ADPRHL1: variants seen among roughly 807,000 people sequenced by gnomAD.
ADPRHL1 encodes inactive ADP-ribosyltransferase ARH2.
In ADPRHL1, 43 loss-of-function variants were observed where a neutral mutation model predicts 44.1. That is an observed-to-expected ratio of 0.98 (90% CI 0.76 to 1.26). ADPRHL1 has a LOEUF of 1.26. ADPRHL1 is among the 50% of genes most tolerant of loss of function. ADPRHL1 has a pLI of 0.00. For synonymous variants in ADPRHL1, 878 were observed against 1,017.4 expected, an observed-to-expected ratio of 0.86 and a Z score of 2.61; for missense variants, 2,022 against 2,496.9, an observed-to-expected ratio of 0.81 and a Z score of 4.05.
chr13:113,417,068 C>T (rs909312772), intron 7 of ADPRHL1, among the ~76,000 whole-genome samples: 3 of 152,224 alleles, frequency 2.0e-5, no homozygotes, highest in Non-Finnish European at 4.4e-5. Context: ...AGCAAAGCTG[C>T]GTCATGACAG....
At chr13:113,427,921 G>A (rs915168627) in intron 4 of ADPRHL1, among the ~76,000 whole-genome samples, 4 of 152,338 alleles carry the variant, frequency 2.6e-5, no homozygotes, top group Admixed American at 2.6e-4. Context: ...TTCAGAACAC[G>A]TGCCTGTGCC....
rs185355808 is a variant in ADPRHL1, at chr13:113,451,060, C to T, written c.214+2164G>A. Among the ~76,000 whole-genome samples the T allele has an allele frequency of 3.6e-4, 54 of 151,924 alleles. 1 individual carries two copies. In the East Asian group the frequency reaches 6.9e-3, roughly 19 times the overall value. On this transcript the variant is annotated intron_variant, in intron 1 of 7. Coordinates refer to ENST00000612156, the MANE Select transcript of ADPRHL1 (RefSeq NM_001394807.1). ...TAACGGGCGTCTTCCCAGACGCTGG[C>T]GTCACAGCTAGACCAAGGAGCCATC...
rs532034040 is a variant in ADPRHL1 at position 113,441,799 on chromosome 13, G to A, written c.379+2626C>T. 4.5e-4 allele frequency among the ~76,000 whole-genome samples: 69 copies of A among 151,784 alleles called. No homozygotes were observed. Among genetic ancestry groups the A allele is most frequent in the African/African-American group, 1.5e-3 (60 of 41,370 alleles). On this transcript the variant is annotated intron_variant, in intron 2 of 7. Coordinates refer to ENST00000612156, the MANE Select transcript of ADPRHL1 (RefSeq NM_001394807.1). The surrounding 1 kb of genome is among the most constrained non-coding windows in gnomAD (Gnocchi z 6.0). ...CCGTGTGGGTCTGTGTCTCTATCAC[G>A]CTTTACTCCACCACACGGGTCCGTG...
rs1409922289 is a variant in ADPRHL1 at position 113,401,020 on chromosome 13, A to C, written c.*2358T>G. 2 of 152,272 alleles carry C rather than the reference A, an allele frequency of 1.3e-5. No individual in the cohort carries two copies. The highest frequency in any genetic ancestry group is 2.4e-5 in the African/African-American group (1 of 41,462). The allele number at this position is 152,272 out of a possible 1,614,324, so 9.4% of individuals were successfully genotyped here. A position where few individuals can be genotyped will look rare whatever the true frequency, so the allele number is the denominator to read the frequency against. On this transcript the variant is annotated 3_prime_UTR_variant, in exon 8 of 8. Transcript: ENST00000612156. The surrounding 1 kb of genome is among the most constrained non-coding windows in gnomAD (Gnocchi z 5.5). ...TTTATAAAGGGAACAGCCAGTGAAC[A>C]TATTTTTACCTCCCGTGTCTGTCAT...
In ADPRHL1 at chr13:113,423,944, G is replaced by A. The variant is rs138538731; in HGVS notation, c.907+273C>T. ...CACTGGCCTCCAGGCTCGTGGACCA[G>A]GTGAGAGACTCTTGGTCTGCTGGAG... is the stretch of plus-strand genomic sequence containing the variant. On this transcript the variant is annotated intron_variant, in intron 6 of 7. Transcript: ENST00000612156. Among the ~76,000 whole-genome samples, 212 of 152,338 alleles carry A rather than the reference G, an allele frequency of 1.4e-3. 1 individual carries two copies. Among genetic ancestry groups the A allele is most frequent in the African/African-American group, 4.5e-3 (187 of 41,580 alleles).
intron 7 of ADPRHL1, chr13:113,422,308 C>G (rs1448325694): frequency 2.0e-5 from 3 of 152,474 alleles, no homozygotes; most frequent in Non-Finnish European, 4.4e-5. Context: ...CCCGCAGGCC[C>G]CAGTGTGGAC....
intron 7 of ADPRHL1, among the ~76,000 whole-genome samples, chr13:113,418,228 G>A (rs746184704): frequency 2.0e-5 from 3 of 152,294 alleles, no homozygotes; most frequent in Admixed American, 6.5e-5. Context: ...AGTAAAAAGG[G>A]CCCCGCTTCT....
chr13:113,420,901 CG>C (rs2043913368), intron 7 of ADPRHL1, among the ~76,000 whole-genome samples: 1 of 146,472 alleles, frequency 6.8e-6, no homozygotes, highest in Non-Finnish European at 1.5e-5. Flanking sequence ...CCGCTCACCC[CG>C]GGACACCACT....
intron 1 of ADPRHL1, among the ~76,000 whole-genome samples, chr13:113,448,645 A>G (rs2044158698): frequency 6.7e-6 from 1 of 149,544 alleles, no homozygotes; most frequent in Non-Finnish European, 1.5e-5. Context: ...AGAGGCTGAG[A>G]AGGTGCTGGC....
At chr13:113,424,685 T>TCCACCCACCCATTCATCC in intron 5 of ADPRHL1, among the ~76,000 whole-genome samples, 1 of 23,648 alleles carries the variant, frequency 4.2e-5, no homozygotes, top group Admixed American at 4.7e-4. Context: ...TCCATTCATC[T>TCCACCCACCCATTCATCC]ATCCACCCAT....
chr13:113,429,308 G>A lies in ADPRHL1; in HGVS notation c.506-216C>T, dbSNP rs1477695971. 2.0e-5 allele frequency among the ~76,000 whole-genome samples: 3 copies of A among 152,188 alleles called. No individual in the cohort carries two copies. In the East Asian group the frequency reaches 5.8e-4, roughly 29 times the overall value. The stretch of plus-strand genomic sequence containing the variant: ...CCCCATCTTCCCAAACTGTAGCTCT[G>A]TCCCCACTCCACTCACCCCACCGCC... On this transcript the variant is annotated intron_variant, in intron 3 of 7. Transcript: ENST00000612156.
intron 1 of ADPRHL1, among the ~76,000 whole-genome samples, chr13:113,444,836 G>A (rs1305511122): frequency 6.6e-6 from 1 of 152,120 alleles, no homozygotes; most frequent in Non-Finnish European, 1.5e-5. Context: ...TGTCGGCCAG[G>A]ATGGTCTCGA....
rs1329298262 is a variant in ADPRHL1, at chr13:113,401,904, C to T, written c.*1474G>A. Reference sequence around the variant, plus strand: ...ACCTCAGCCCCGCGTGGGTAGGACGCGCCTGCTGAACGCCCTCTCAGGGCC... The same window carrying T: ...ACCTCAGCCCCGCGTGGGTAGGACGTGCCTGCTGAACGCCCTCTCAGGGCC... On this transcript the variant is annotated 3_prime_UTR_variant, in exon 8 of 8. Transcript: ENST00000612156. This position sits in a 1 kb window ranked among gnomAD's most constrained non-coding sequence, Gnocchi z 5.5. The T allele has an allele frequency of 1.3e-5, 2 of 152,382 alleles. No individual in the cohort carries two copies. The highest frequency in any genetic ancestry group is 1.9e-4 in the East Asian group (1 of 5,188). 9.4% of individuals were successfully genotyped at this position (152,382 alleles called of 1,614,324 possible).
Position 113,412,201 on chromosome 13 carries a change from G to A in ADPRHL1, c.1062-3981C>T, listed in dbSNP as rs138494161. 8.0e-3 allele frequency among the ~76,000 whole-genome samples: 1,216 copies of A among 152,014 alleles called. 18 individuals carry two copies. Among genetic ancestry groups the A allele is most frequent in the African/African-American group, 0.027 (1,105 of 41,462 alleles). On this transcript the variant is annotated intron_variant, in intron 7 of 7. Transcript: ENST00000612156. The stretch of plus-strand genomic sequence containing the variant: ...CTATAATTTGCTTTTTTTTTGGGAC[G>A]GAGTCTTGCTCTGTCGCCCAGGCTG...
chr13:113,451,822 AAAC>A, intron 1 of ADPRHL1, among the ~76,000 whole-genome samples: 1 of 152,144 alleles, frequency 6.6e-6, no homozygotes, highest in Non-Finnish European at 1.5e-5. Flanking sequence ...AACAAACAAA[AAAC>A]AGTGCCCTAA....
rs892022181 is a variant in ADPRHL1, at chr13:113,405,670, G to T, written c.3612C>A (p.Asp1204Glu). Residue 1204 changes from aspartate to glutamate, a missense_variant, in exon 8 of 8, where the codon GAC becomes GAA. Around this residue, in one of 8 missense-constraint regions of ADPRHL1, gnomAD observed 1,221 missense variants for 1,517.8 expected, o/e 0.80. Coordinates refer to ENST00000612156, the MANE Select transcript of ADPRHL1 (RefSeq NM_001394807.1). ...CCGGGTGGCGGGCGAGGGTCGCAAT[G>T]TCCTCTGGGTGCTGGACGAGGGCCA... ...RGVALVQHPE[D>E]IATLARHPED... 59 of 1,232,430 alleles carry T rather than the reference G, an allele frequency of 4.8e-5. No individual in the cohort carries two copies. Among genetic ancestry groups the T allele is most frequent in the Non-Finnish European group, 5.7e-5 (56 of 988,664 alleles). The allele number at this position is 1,232,430 out of a possible 1,614,324, so 76.3% of individuals were successfully genotyped here. A position where few individuals can be genotyped will look rare whatever the true frequency, so the allele number is the denominator to read the frequency against.
At chr13:113,431,195 C>T (rs1223853913) in intron 3 of ADPRHL1, among the ~76,000 whole-genome samples, 3 of 152,192 alleles carry the variant, frequency 2.0e-5, no homozygotes, top group African/African-American at 7.2e-5. Context: ...CTCTGTACAC[C>T]GGGGCTGTGA....
chr13:113,443,388 G>A lies in ADPRHL1; in HGVS notation c.379+1037C>T, dbSNP rs1033582424. ...ACTTGGAGACTGAGGTGGGCAGATC[G>A]CTTGAGCTCAGGAGTTCAAGACCAG... On this transcript the variant is annotated intron_variant, in intron 2 of 7. Coordinates refer to ENST00000612156, the MANE Select transcript of ADPRHL1 (RefSeq NM_001394807.1). 5.3e-5 allele frequency among the ~76,000 whole-genome samples: 8 copies of A among 151,902 alleles called. No homozygotes were observed. In the East Asian group the frequency reaches 1.4e-3, roughly 26 times the overall value.
chr13:113,410,665 C>A (rs539141641), intron 7 of ADPRHL1, among the ~76,000 whole-genome samples: 3 of 152,162 alleles, frequency 2.0e-5, no homozygotes, highest in East Asian at 1.9e-4. Flanking sequence ...TGATCCCGGG[C>A]GGCCCCAGAA....
Sources: gnomAD v4.1 joint callset for allele counts (sites outside exome capture counted in the v4.1 genomes callset) on GRCh38, gnomAD v4.1.1 for gene constraint, gnomAD v4.1.1 regional missense constraint, Gnocchi (gnomAD v3.1) non-coding constraint, MANE v1.5 for transcripts, NCBI Gene and HGNC (gene_info 2026-07-23, HGNC 2026-07-21) for gene names.